The following XPNPEP3 variants were observed in gnomAD, a reference collection of about 807,000 sequenced individuals.
The protein encoded by XPNPEP3 is X-prolyl aminopeptidase 3, also known as xaa-Pro aminopeptidase 3.
XPNPEP3 carries 41 observed loss-of-function variants against 60.0 expected under a neutral mutation model. That is an observed-to-expected ratio of 0.68 (90% CI 0.53 to 0.89). XPNPEP3 has a LOEUF of 0.89. Ranked by LOEUF, XPNPEP3 falls within the 40% of genes least tolerant of loss-of-function variation. The probability of loss-of-function intolerance (pLI) is 0.00; values close to 1 mark genes in which losing one functional copy is unlikely to be tolerated. For synonymous variants in XPNPEP3, 212 were observed against 223.2 expected (o/e 0.95, Z 0.45); for missense variants, 598 against 638.9 (o/e 0.94, Z 0.69).
chr22:40,898,883 A>G (rs534898808), intron 4 of XPNPEP3, among the ~76,000 whole-genome samples: 1 of 152,274 alleles, frequency 6.6e-6, no homozygotes, highest in African/African-American at 2.4e-5. Flanking sequence ...GCATTTCTGT[A>G]GCTTCAGGAG....
chr22:40,874,565 A>G (rs867669187), intron 2 of XPNPEP3, among the ~76,000 whole-genome samples: 3 of 152,112 alleles, frequency 2.0e-5, no homozygotes, highest in Non-Finnish European at 4.4e-5. Context: ...AGCTGGGACT[A>G]CAGGCATGCA....
chr22:40,889,885 T>C (rs551735780), intron 4 of XPNPEP3, among the ~76,000 whole-genome samples: 3 of 152,202 alleles, frequency 2.0e-5, no homozygotes, highest in Admixed American at 2.0e-4. Context: ...GGGTTGGTAC[T>C]GATTTAAACA....
At chr22:40,904,560 AT>A (rs943940772) in intron 4 of XPNPEP3, among the ~76,000 whole-genome samples, 3 of 151,960 alleles carry the variant, frequency 2.0e-5, no homozygotes, top group African/African-American at 7.3e-5. Context: ...TAAAAAAAAA[AT>A]TTTTTTAAGC....
rs1171480349 is a variant in XPNPEP3 at position 40,881,220 on chromosome 22, G to GT, written c.182-542dup. 7.9e-5 allele frequency among the ~76,000 whole-genome samples: 12 copies of GT among 151,514 alleles called. 1 individual carries two copies. Among genetic ancestry groups the GT allele is most frequent in the South Asian group, 6.3e-4 (3 of 4,780 alleles). ...ACCACCACACATGGCTAATTTTTGT[G>GT]TTTTTTTTAGTAGAGATGAGGTTTT... On this transcript the variant is annotated intron_variant, in intron 2 of 9. Transcript: ENST00000357137.
chr22:40,926,227 A>G, intron 9 of XPNPEP3, 42 bp from the exon 10 acceptor site: 1 of 1,612,722 alleles, frequency 6.2e-7, no homozygotes, highest in South Asian at 1.1e-5. Flanking sequence ...CCACCCAGTT[A>G]CTATCATTCC....
chr22:40,924,422 A>G lies in XPNPEP3; in HGVS notation c.1297A>G (p.Thr433Ala), dbSNP rs2058227585. ...CTACCTCGGGATGGATGTCCATGAC[A>G]CTCCAGACATGCCCCGTTCCCTCCC... Reference protein sequence around the residue: ...GHYLGMDVHDTPDMPRSLPLQ... With the variant: ...GHYLGMDVHDAPDMPRSLPLQ... Residue 433 changes from threonine (T) to alanine (A), a missense_variant, in exon 9 of 10, where the codon ACT becomes GCT. Thr to Ala is a moderately conservative substitution (Grantham distance 58, BLOSUM62 0). Transcript: ENST00000357137. The G allele has an allele frequency of 1.2e-6, 2 of 1,614,056 alleles. No individual in the cohort carries two copies. The highest frequency in any genetic ancestry group is 1.7e-6 in the Non-Finnish European group (2 of 1,180,018).
At chr22:40,860,774 C>A in intron 1 of XPNPEP3, 1 of 700,936 alleles carries the variant, frequency 1.4e-6, no homozygotes, top group Non-Finnish European at 2.3e-6. Context: ...TACCAGCTTC[C>A]CGAGTAGCTG....
At chr22:40,926,245 C>T (rs1312523836) in intron 9 of XPNPEP3, 24 bp from the exon 10 acceptor site, 1 of 1,613,886 alleles carries the variant, frequency 6.2e-7, no homozygotes, top group Non-Finnish European at 8.5e-7. Flanking sequence ...TCCTGAACAG[C>T]ATGTTCTTCT....
chr22:40,887,471 A>G (rs935348171), intron 4 of XPNPEP3, among the ~76,000 whole-genome samples: 1 of 152,218 alleles, frequency 6.6e-6, no homozygotes, highest in African/African-American at 2.4e-5. Flanking sequence ...TCAAGGTGCC[A>G]TCATGGTCCA....
chr22:40,912,730 C>T (rs2058181302), intron 6 of XPNPEP3, among the ~76,000 whole-genome samples: 3 of 151,962 alleles, frequency 2.0e-5, no homozygotes, highest in Admixed American at 6.6e-5. Flanking sequence ...ATTAGCTGGG[C>T]GTTGTAGCGT....
intron 6 of XPNPEP3, among the ~76,000 whole-genome samples, chr22:40,911,323 C>A (rs2058176373): frequency 6.6e-6 from 1 of 151,926 alleles, no homozygotes; most frequent in Non-Finnish European, 1.5e-5. Context: ...TATATAATTT[C>A]TTTCTTATGC....
Position 40,861,630 on chromosome 22 carries a change from C to T in XPNPEP3, c.64+4385C>T, listed in dbSNP as rs147511636. 43 of 1,613,502 alleles carry T rather than the reference C, an allele frequency of 2.7e-5. No homozygotes were observed. The highest frequency in any genetic ancestry group is 3.3e-5 in the Admixed American group (2 of 59,882). On this transcript the variant is annotated intron_variant, in intron 1 of 9. Transcript: ENST00000357137. ...TCTGTTTCCATAGGAGCTTCCTGGA[C>T]GATTTAACAGGTCCTCAAGCGAGTC...
intron 1 of XPNPEP3, among the ~76,000 whole-genome samples, chr22:40,857,790 C>T (rs1418380335): frequency 1.3e-5 from 2 of 152,202 alleles, no homozygotes; most frequent in Non-Finnish European, 2.9e-5. Flanking sequence ...ATCTGATGAA[C>T]ATAAAGCTTA....
In XPNPEP3 at chr22:40,922,549, ACC is replaced by A. The variant is rs769455240; in HGVS notation, c.1236+37_1236+38del. On this transcript the variant is annotated intron_variant, in intron 8 of 9. Coordinates refer to ENST00000357137, the MANE Select transcript of XPNPEP3 (RefSeq NM_022098.4). ...TCTCTTGACCCCAGTTCTCAAGAAC[ACC>A]TAGCATGCTGCTAGGTTTTTACCCT... is the stretch of plus-strand genomic sequence containing the variant. 46 of 1,610,168 alleles carry A rather than the reference ACC, an allele frequency of 2.9e-5. 1 individual carries two copies. In the Admixed American group the frequency reaches 7.7e-4, roughly 27 times the overall value.
intron 4 of XPNPEP3, among the ~76,000 whole-genome samples, chr22:40,888,636 CTTT>C (rs1252582018): frequency 2.1e-5 from 3 of 143,190 alleles, no homozygotes; most frequent in African/African-American, 2.5e-5. Context: ...TGGTTTCTAT[CTTT>C]TTTTTTTTTT....
chr22:40,857,657 A>G (rs2057910191), intron 1 of XPNPEP3, among the ~76,000 whole-genome samples: 1 of 152,258 alleles, frequency 6.6e-6, no homozygotes, highest in Non-Finnish European at 1.5e-5. Flanking sequence ...AGCTCCTCTT[A>G]GGAGAGGTAA....
intron 4 of XPNPEP3, chr22:40,888,399 A>G (rs1292940613): frequency 2.3e-6 from 1 of 440,448 alleles, no homozygotes. Context: ...GCATGCCACT[A>G]TGCCTGCTAA....
intron 3 of XPNPEP3, among the ~76,000 whole-genome samples, chr22:40,885,592 AGT>A (rs756525203): frequency 3.3e-5 from 5 of 152,200 alleles, no homozygotes; most frequent in East Asian, 3.8e-4. Flanking sequence ...TTACCCATAA[AGT>A]CATGATCTGA....
rs2058049893 is a variant in XPNPEP3 at position 40,881,951 on chromosome 22, C to T, written c.363C>T (p.Phe121=). ...ATACTTTCCACCAAGACAACAATTTCCTGTACCTATGTGGATTCCAAGAGC... is the reference window on the plus strand; with the variant it reads ...ATACTTTCCACCAAGACAACAATTTTCTGTACCTATGTGGATTCCAAGAGC... ...IPYTFHQDNN[F]LYLCGFQEPD... The change falls in exon 3 of 10, where the codon TTC becomes TTT. Residue 121 remains phenylalanine, a synonymous_variant. Transcript: ENST00000357137. The T allele has an allele frequency of 6.2e-7, 1 of 1,614,158 alleles. No homozygotes were observed. The highest frequency in any genetic ancestry group is 1.1e-5 in the South Asian group (1 of 91,072).
Sources: allele counts gnomAD v4.1 joint callset (sites outside exome capture counted in the v4.1 genomes callset), GRCh38; gene constraint gnomAD v4.1.1; transcripts MANE v1.5; gene names NCBI Gene and HGNC (gene_info 2026-07-23, HGNC 2026-07-21).